Variants in CACNB4 observed in about 807,000 individuals in gnomAD.
CACNB4 encodes calcium voltage-gated channel auxiliary subunit beta 4, also known as voltage-dependent L-type calcium channel subunit beta-4.
A neutral mutation model predicts 71.2 loss-of-function variants in CACNB4; 32 were observed. The observed-to-expected ratio is 0.45, with a 90% CI of 0.34 to 0.60. The LOEUF (loss-of-function observed/expected upper bound fraction) is 0.60, where lower values mean the gene tolerates loss of function less well. CACNB4 is among the 20% of genes least tolerant of loss of function. The pLI is 0.01. For missense variants in CACNB4, 464 were observed against 647.9 expected, an observed-to-expected ratio of 0.72 and a Z score of 3.08; for synonymous variants, 231 against 236.9, an observed-to-expected ratio of 0.97 and a Z score of 0.23.
intron 2 of CACNB4, among the ~76,000 whole-genome samples, chr2:152,009,505 C>T (rs943410622): frequency 1.3e-5 from 2 of 152,028 alleles, no homozygotes; most frequent in Non-Finnish European, 2.9e-5. Context: ...ATGTTACTAA[C>T]GGGGGAAACT....
At chr2:152,072,101 T>C (rs1419953617) in intron 2 of CACNB4, among the ~76,000 whole-genome samples, 1 of 152,238 alleles carries the variant, frequency 6.6e-6, no homozygotes, top group African/African-American at 2.4e-5. Context: ...TACAGTTAGA[T>C]GACAATAATT....
intron 2 of CACNB4, among the ~76,000 whole-genome samples, chr2:151,929,336 G>A (rs1369121643): frequency 2.0e-5 from 3 of 152,022 alleles, no homozygotes; most frequent in East Asian, 1.9e-4. Context: ...ACACACATAC[G>A]TAAAACTAAA....
intron 3 of CACNB4, among the ~76,000 whole-genome samples, chr2:151,882,497 C>T (rs977342493): frequency 6.6e-6 from 1 of 152,042 alleles, no homozygotes; most frequent in African/African-American, 2.4e-5. Flanking sequence ...GAGGACAGGC[C>T]GGCCATGACC....
chr2:151,949,691 G>A (rs1412911533), intron 2 of CACNB4, among the ~76,000 whole-genome samples: 2 of 152,132 alleles, frequency 1.3e-5, no homozygotes, highest in African/African-American at 4.8e-5. Context: ...GGTTCTGAAG[G>A]CCATGGAGGA....
chr2:152,010,373 C>A (rs146335465), intron 2 of CACNB4, among the ~76,000 whole-genome samples: 100 of 152,254 alleles, frequency 6.6e-4, no homozygotes, highest in African/African-American at 2.3e-3. Context: ...ACGGGTTTAA[C>A]GTGGAAGGCT....
At chr2:152,064,031 A>G (rs1324249714) in intron 2 of CACNB4, among the ~76,000 whole-genome samples, 2 of 152,244 alleles carry the variant, frequency 1.3e-5, no homozygotes, top group African/African-American at 4.8e-5. Flanking sequence ...CAATGTAATA[A>G]CAGTCTTGTG....
intron 2 of CACNB4, among the ~76,000 whole-genome samples, chr2:151,906,346 T>C (rs2099854813): frequency 6.6e-6 from 1 of 152,204 alleles, no homozygotes; most frequent in African/African-American, 2.4e-5. Flanking sequence ...AAAACATTTC[T>C]TTTGCAGGGG....
chr2:152,090,970 G>C (rs917549383), intron 2 of CACNB4, among the ~76,000 whole-genome samples: 1 of 151,832 alleles, frequency 6.6e-6, no homozygotes, highest in Non-Finnish European at 1.5e-5. Context: ...CTTGAACCTG[G>C]GAGGGAGAGA....
chr2:151,939,148 T>C (rs1041150672), intron 2 of CACNB4, among the ~76,000 whole-genome samples: 5 of 152,226 alleles, frequency 3.3e-5, no homozygotes, highest in African/African-American at 4.8e-5. Context: ...AGAGGAATTA[T>C]TACTGGCATC....
intron 2 of CACNB4, among the ~76,000 whole-genome samples, chr2:151,885,443 C>T (rs557553994): frequency 2.6e-5 from 4 of 152,194 alleles, no homozygotes; most frequent in South Asian, 2.1e-4. Flanking sequence ...TCACATCCCA[C>T]ACTGAGCTGC....
At chr2:152,022,926 A>T (rs2105136065) in intron 2 of CACNB4, among the ~76,000 whole-genome samples, 1 of 152,324 alleles carries the variant, frequency 6.6e-6, no homozygotes, top group East Asian at 1.9e-4. Context: ...TGGAAAAGTT[A>T]AGGAACATAT....
chr2:151,870,808 T>C (rs748830131), intron 7 of CACNB4, 34 bp downstream of exon 7: 3 of 1,571,846 alleles, frequency 1.9e-6, no homozygotes, highest in South Asian at 1.1e-5. Flanking sequence ...TATAGGAACC[T>C]TAACAGTAGA....
At chr2:152,029,528 A>AAAAGAAAAGAAAAGT (rs1216263961) in intron 2 of CACNB4, among the ~76,000 whole-genome samples, 13 of 150,738 alleles carry the variant, frequency 8.6e-5, no homozygotes, top group African/African-American at 3.2e-4. Context: ...AAAAGAAAAG[A>AAAAGAAAAGAAAAGT]AAAGAAAAGA....
At chr2:152,000,595 G>A (rs1682339023) in intron 2 of CACNB4, among the ~76,000 whole-genome samples, 1 of 152,124 alleles carries the variant, frequency 6.6e-6, no homozygotes, top group South Asian at 2.1e-4. Context: ...TTCATTACCA[G>A]CCCCTCTAAA....
chr2:151,935,135 C>A (rs2099862603), intron 2 of CACNB4, among the ~76,000 whole-genome samples: 1 of 152,138 alleles, frequency 6.6e-6, no homozygotes, highest in African/African-American at 2.4e-5. Flanking sequence ...CTCTTAGAAC[C>A]ATTAGTACTT....
intron 9 of CACNB4, chr2:151,867,631 G>C (rs2099843502): frequency 2.0e-5 from 3 of 152,184 alleles, no homozygotes; most frequent in Admixed American, 2.0e-4. Flanking sequence ...TTGTCCAGTA[G>C]ATGAATGTGA....
intron 2 of CACNB4, among the ~76,000 whole-genome samples, chr2:152,038,533 A>G (rs1684713175): frequency 6.6e-6 from 1 of 152,192 alleles, no homozygotes. Context: ...GGAAGAGGAT[A>G]GGTGTGCGTG....
chr2:152,096,753 A>G (rs2105493595), intron 2 of CACNB4, among the ~76,000 whole-genome samples: 1 of 152,348 alleles, frequency 6.6e-6, no homozygotes, highest in Non-Finnish European at 1.5e-5. Flanking sequence ...TCAATCAGTT[A>G]CGGGCATAAA....
At chr2:151,912,057 T>G (rs1296385360) in intron 2 of CACNB4, among the ~76,000 whole-genome samples, 1 of 152,202 alleles carries the variant, frequency 6.6e-6, no homozygotes, top group African/African-American at 2.4e-5. Flanking sequence ...GATTCTTCTC[T>G]CTTTTCTTCT....
Sources: gnomAD v4.1 joint callset for allele counts (sites outside exome capture counted in the v4.1 genomes callset) on GRCh38, gnomAD v4.1.1 for gene constraint, MANE v1.5 for transcripts, NCBI Gene and HGNC (gene_info 2026-07-23, HGNC 2026-07-21) for gene names.